Variants in TBC1D9B observed in about 807,000 individuals in gnomAD.
The protein encoded by TBC1D9B is TBC1 domain family member 9B, also known as TBC1 domain family, member 9B (with GRAM domain).
TBC1D9B carries 87 observed loss-of-function variants against 121.1 expected under a neutral mutation model. The observed-to-expected ratio is 0.72, with a 90% CI of 0.60 to 0.86. TBC1D9B has a LOEUF of 0.86. Among genes scored for constraint, TBC1D9B ranks in the 40% least tolerant of loss-of-function variants. The probability of loss-of-function intolerance (pLI) is 0.00; values close to 1 mark genes in which losing one functional copy is unlikely to be tolerated. For synonymous variants in TBC1D9B, 668 were observed against 670.1 expected, an observed-to-expected ratio of 1.00 and a Z score of 0.05; for missense variants, 1,540 against 1,628.6, an observed-to-expected ratio of 0.95 and a Z score of 0.94.
At position 179,883,627 on chromosome 5, in the gene TBC1D9B, T is replaced by A. The variant is rs76573568; in HGVS notation, c.1255-3838A>T. Among the ~76,000 whole-genome samples, 646 of 152,306 alleles carry A rather than the reference T, an allele frequency of 4.2e-3. 22 individuals carry two copies. In the East Asian group the frequency reaches 0.099, roughly 23 times the overall value. Reference sequence around the variant, plus strand: ...TTAACCTGAGCTTTTTAAACATTTTTAATTTATACCATTCTTTAGTAGTTT... The same window carrying A: ...TTAACCTGAGCTTTTTAAACATTTTAAATTTATACCATTCTTTAGTAGTTT... On this transcript the variant is annotated intron_variant, in intron 7 of 20. Transcript: ENST00000355235.
chr5:179,893,386 T>C lies in TBC1D9B; in HGVS notation c.659A>G (p.Asp220Gly), dbSNP rs750701485. ...TLLFPESIRV[D>G]TRDQELFFSM... ...GAAGAAGAGCTCCTGGTCGCGGGTGTCCACACGGATGCTCTCGGGGAAGAG... is the reference window on the plus strand; with the variant it reads ...GAAGAAGAGCTCCTGGTCGCGGGTGCCCACACGGATGCTCTCGGGGAAGAG... The change falls in exon 5 of 21, where the codon GAC becomes GGC. Residue 220 changes from aspartate (D) to glycine (G), a missense_variant. Coordinates refer to ENST00000355235, the MANE Select transcript of TBC1D9B (RefSeq NM_015043.4). The C allele has an allele frequency of 3.2e-5, 51 of 1,613,992 alleles. No individual in the cohort carries two copies. Among genetic ancestry groups the C allele is most frequent in the Non-Finnish European group, 4.2e-5 (49 of 1,180,022 alleles).
chr5:179,872,861 A>AGCAGG, intron 14 of TBC1D9B, 31 bp downstream of exon 14: 1 of 1,000,580 alleles, frequency 1.0e-6, no homozygotes, highest in Non-Finnish European at 1.4e-6. Flanking sequence ...CCCCCAGCCC[A>AGCAGG]GCCCCTGCCC....
At chr5:179,906,956 C>T (rs1761337212) in intron 1 of TBC1D9B, among the ~76,000 whole-genome samples, 1 of 152,184 alleles carries the variant, frequency 6.6e-6, no homozygotes, top group Non-Finnish European at 1.5e-5. Context: ...CATGAGGGGC[C>T]CCGGACACCA....
In TBC1D9B at chr5:179,891,501, AG is replaced by A; in HGVS notation, c.921del (p.Cys308AlafsTer39). 6.2e-7 allele frequency: 1 copy of A among 1,614,116 alleles called. No individual in the cohort carries two copies. Among genetic ancestry groups the A allele is most frequent in the Non-Finnish European group, 8.5e-7 (1 of 1,180,036 alleles). ...PRDERLDGHT[S>X]CTLWTPFNKL... ...TTGTTGAACGGCGTCCACAGGGTGC[AG>A]CTTGTGTGGCCGTCTAGCCGCTCAT... On this transcript the variant is annotated frameshift_variant, in exon 6 of 21. Coordinates refer to ENST00000355235, the MANE Select transcript of TBC1D9B (RefSeq NM_015043.4). LOFTEE classifies it high-confidence loss of function. The surrounding 1 kb of genome is among the most constrained non-coding windows in gnomAD (Gnocchi z 4.3).
chr5:179,869,800 G>T lies in TBC1D9B; in HGVS notation c.2760C>A (p.Leu920=), dbSNP rs371308875. Residue 920 remains leucine, a synonymous_variant, in exon 17 of 21, where the codon CTC becomes CTA. Transcript: ENST00000355235. ...GAAGGTGTAGCTTGTAGAGCACCTT[G>T]AGCTTCTCTGTCAGGTCCCCGTGGT... ...GMYHGDLTEK[L]KVLYKLHLPP... is the part of the protein sequence containing the mutation. The T allele has an allele frequency of 1.1e-5, 18 of 1,580,182 alleles. No homozygotes were observed. In the African/African-American group the frequency reaches 2.4e-4, roughly 21 times the overall value.
At chr5:179,895,303 T>C (rs1264131345) in intron 3 of TBC1D9B, among the ~76,000 whole-genome samples, 2 of 152,262 alleles carry the variant, frequency 1.3e-5, no homozygotes, top group African/African-American at 4.8e-5. Flanking sequence ...GTGACTTTCC[T>C]GGTTCCTTCC....
intron 5 of TBC1D9B, among the ~76,000 whole-genome samples, chr5:179,892,698 C>A (rs1252270529): frequency 6.6e-6 from 1 of 152,194 alleles, no homozygotes; most frequent in Non-Finnish European, 1.5e-5. Flanking sequence ...CTGGGGGTCC[C>A]ATGGCTGTGA....
rs1292267728 is a variant in TBC1D9B at position 179,902,379 on chromosome 5, G to A, written c.229+2323C>T. On this transcript the variant is annotated intron_variant, in intron 2 of 20. Coordinates refer to ENST00000355235, the MANE Select transcript of TBC1D9B (RefSeq NM_015043.4). The surrounding 1 kb of genome is among the most constrained non-coding windows in gnomAD (Gnocchi z 4.9). ...AATGGAGGCAGGCAGACCCCCAGGT[G>A]TCCTCGAACACCAGGCTCAAGGGTC... Among the ~76,000 whole-genome samples the A allele has an allele frequency of 6.6e-6, 1 of 152,194 alleles. No homozygotes were observed. The highest frequency in any genetic ancestry group is 1.9e-4 in the East Asian group (1 of 5,188).
At chr5:179,873,973 C>CTACT (rs1439669096) in intron 12 of TBC1D9B, among the ~76,000 whole-genome samples, 1 of 152,212 alleles carries the variant, frequency 6.6e-6, no homozygotes. Context: ...GGACCAAAAG[C>CTACT]TACTTAGGCC....
In TBC1D9B at chr5:179,887,963, C is replaced by T. The variant is rs1286319557; in HGVS notation, c.1254+140G>A. On this transcript the variant is annotated intron_variant, in intron 7 of 20. Coordinates refer to ENST00000355235, the MANE Select transcript of TBC1D9B (RefSeq NM_015043.4). Reference sequence around the variant, plus strand: ...CAGTGTGGGTCTGGGCTAGGGGTCTCTTGCCAGCTCTGACACATCCACCCC... The same window carrying T: ...CAGTGTGGGTCTGGGCTAGGGGTCTTTTGCCAGCTCTGACACATCCACCCC... The T allele has an allele frequency of 1.5e-5, 16 of 1,064,948 alleles. No homozygotes were observed. In the Admixed American group the frequency reaches 3.0e-4, roughly 20 times the overall value. 66.0% of individuals were successfully genotyped at this position (1,064,948 alleles called of 1,614,324 possible).
At position 179,891,296 on chromosome 5, in the gene TBC1D9B, G is replaced by T; in HGVS notation, c.1044+83C>A. ...CCCAGGTACCCCCCAGTGAGACAGG[G>T]CAGAGCAGGACAGGCTGGTCCCTGA... On this transcript the variant is annotated intron_variant, in intron 6 of 20. Transcript: ENST00000355235. This position sits in a 1 kb window ranked among gnomAD's most constrained non-coding sequence, Gnocchi z 4.3. 6.6e-7 allele frequency: 1 copy of T among 1,512,508 alleles called. No homozygotes were observed. Among genetic ancestry groups the T allele is most frequent in the Non-Finnish European group, 9.1e-7 (1 of 1,095,500 alleles). 93.7% of individuals were successfully genotyped at this position (1,512,508 alleles called of 1,614,324 possible).
In TBC1D9B at chr5:179,892,103, T is replaced by C. The variant is rs1249565059; in HGVS notation, c.837-517A>G. Among the ~76,000 whole-genome samples the C allele has an allele frequency of 2.0e-5, 3 of 152,358 alleles. No homozygotes were observed. In the East Asian group the frequency reaches 5.8e-4, roughly 29 times the overall value. ...CCTGTGTATCTGATGGCTGTGACAG[T>C]GGCCTGGCCCAGGCCCTCACCCCTT... On this transcript the variant is annotated intron_variant, in intron 5 of 20. Transcript: ENST00000355235.
chr5:179,893,919 C>T (rs1403657644), intron 4 of TBC1D9B, among the ~76,000 whole-genome samples: 3 of 151,950 alleles, frequency 2.0e-5, no homozygotes, highest in African/African-American at 7.3e-5. Flanking sequence ...CTGAGGGAGG[C>T]AAGGAGGGAG....
chr5:179,864,241 G>T, intron 20 of TBC1D9B, 113 bp from the exon 21 acceptor site: 1 of 1,070,336 alleles, frequency 9.3e-7, no homozygotes, highest in Non-Finnish European at 1.3e-6. Flanking sequence ...CTGCCGTCTT[G>T]CTAATCATCT....
rs1760297575 is a variant in TBC1D9B, at chr5:179,874,387, G to A, written c.2186+515C>T. On this transcript the variant is annotated intron_variant, in intron 12 of 20. Coordinates refer to ENST00000355235, the MANE Select transcript of TBC1D9B (RefSeq NM_015043.4). This position sits in a 1 kb window ranked among gnomAD's most constrained non-coding sequence, Gnocchi z 4.3. The stretch of plus-strand genomic sequence containing the variant: ...ACAGAATCTGCAAGAGATGGGATGT[G>A]GGGACTAAGGAGGGGGTGGAGGGGC... Among the ~76,000 whole-genome samples the A allele has an allele frequency of 6.6e-6, 1 of 152,110 alleles. No homozygotes were observed. The highest frequency in any genetic ancestry group is 2.4e-5 in the African/African-American group (1 of 41,414).
At chr5:179,879,858 C>A in intron 7 of TBC1D9B, 69 bp from the exon 8 acceptor site, 29 of 1,489,950 alleles carry the variant, frequency 1.9e-5, no homozygotes, top group Non-Finnish European at 2.6e-5. Context: ...ATGCGCCCAT[C>A]CATCCAGAGC....
In TBC1D9B at chr5:179,907,804, C is replaced by A; in HGVS notation, c.18G>T (p.Glu6Asp). 8.3e-7 allele frequency: 1 copy of A among 1,208,342 alleles called. No homozygotes were observed. Among genetic ancestry groups the A allele is most frequent in the Non-Finnish European group, 1.1e-6 (1 of 945,586 alleles). 74.9% of individuals were successfully genotyped at this position (1,208,342 alleles called of 1,614,324 possible). A position where few individuals can be genotyped will look rare whatever the true frequency, so the allele number is the denominator to read the frequency against. ...ACAGCGCATTGGCCACCAGCACCTC[C>A]TCCGGGCTCAGCCACATCGCGGAGC... MWLSP[E>D]EVLVANALWV... Residue 6 changes from glutamate (E) to aspartate (D), a missense_variant, in exon 1 of 21, where the codon GAG becomes GAT. Glu to Asp is a conservative substitution (Grantham distance 45, BLOSUM62 2). Transcript: ENST00000355235. The surrounding 1 kb of genome is among the most constrained non-coding windows in gnomAD (Gnocchi z 5.3).
chr5:179,865,415 G>A lies in TBC1D9B; in HGVS notation c.2915-55C>T. 2 of 1,523,196 alleles carry A rather than the reference G, an allele frequency of 1.3e-6. No homozygotes were observed. The highest frequency in any genetic ancestry group is 1.7e-5 in the Admixed American group (1 of 59,914). The allele number at this position is 1,523,196 out of a possible 1,614,324, so 94.4% of individuals were successfully genotyped here. On this transcript the variant is annotated intron_variant, in intron 19 of 20. Transcript: ENST00000355235. The surrounding 1 kb of genome is among the most constrained non-coding windows in gnomAD (Gnocchi z 5.1). Reference sequence around the variant, plus strand: ...TTGTCATGTGAGACGGCTGCGGGCTGACAGCAGGGAGAGGAAGAGTTGGGT... The same window carrying A: ...TTGTCATGTGAGACGGCTGCGGGCTAACAGCAGGGAGAGGAAGAGTTGGGT...
At position 179,890,912 on chromosome 5, in the gene TBC1D9B, G is replaced by C. The variant is rs1678928858; in HGVS notation, c.1044+467C>G. ...GGAGAGCCGACGCCGCCCCACAGGG[G>C]AGAGCCGACCTCTGATGGCCTGCTG... On this transcript the variant is annotated intron_variant, in intron 6 of 20. Coordinates refer to ENST00000355235, the MANE Select transcript of TBC1D9B (RefSeq NM_015043.4). This position sits in a 1 kb window ranked among gnomAD's most constrained non-coding sequence, Gnocchi z 5.0. Among the ~76,000 whole-genome samples the C allele has an allele frequency of 6.6e-6, 1 of 152,218 alleles. No homozygotes were observed.
Sources: allele counts gnomAD v4.1 joint callset (sites outside exome capture counted in the v4.1 genomes callset), GRCh38; gene constraint gnomAD v4.1.1; non-coding constraint Gnocchi (gnomAD v3.1); transcripts MANE v1.5; gene names NCBI Gene and HGNC (gene_info 2026-07-23, HGNC 2026-07-21).